The following SLCO1B3 variants were observed in gnomAD, a reference collection of about 807,000 sequenced individuals.
The protein encoded by SLCO1B3 is liver-specific organic anion transporter 2.
Under a neutral mutation model 71.8 loss-of-function variants are expected in SLCO1B3, and 72 were observed. The observed-to-expected ratio is 1.00, with a 90% CI of 0.83 to 1.22. The LOEUF (loss-of-function observed/expected upper bound fraction) is 1.22. Ranked by LOEUF, SLCO1B3 falls within the 50% of genes most tolerant of loss-of-function variation. The probability of loss-of-function intolerance (pLI) is 0.00; values close to 1 mark genes in which losing one functional copy is unlikely to be tolerated. For synonymous variants in SLCO1B3, 298 were observed against 278.4 expected (o/e 1.07, Z -0.70); for missense variants, 911 against 819.7 (o/e 1.11, Z -1.36).
rs188100388 is a variant in SLCO1B3, at chr12:20,916,390, A to G, written c.*143A>G. The G allele has an allele frequency of 3.4e-5, 24 of 709,784 alleles. No homozygotes were observed. In the East Asian group the frequency reaches 5.9e-4, roughly 18 times the overall value. The allele number at this position is 709,784 out of a possible 1,614,324, so 44.0% of individuals were successfully genotyped here. A position where few individuals can be genotyped will look rare whatever the true frequency, so the allele number is the denominator to read the frequency against. On this transcript the variant is annotated 3_prime_UTR_variant, in exon 16 of 16. Coordinates refer to ENST00000381545, the MANE Select transcript of SLCO1B3 (RefSeq NM_019844.4). Reference sequence around the variant, plus strand: ...ATAAAAAATGGGAGTACCCATGGTTAGGATATAGCTATGCCTTTATGGTTA... The same window carrying G: ...ATAAAAAATGGGAGTACCCATGGTTGGGATATAGCTATGCCTTTATGGTTA...
chr12:20,876,142 G>A (rs1865573851), intron 9 of SLCO1B3, among the ~76,000 whole-genome samples: 1 of 151,558 alleles, frequency 6.6e-6, no homozygotes, highest in Admixed American at 6.6e-5. Flanking sequence ...AAAATGAAGT[G>A]AAAAGCAACA....
chr12:20,850,302 CAG>C (rs1864999796), intron 3 of SLCO1B3, among the ~76,000 whole-genome samples: 1 of 125,834 alleles, frequency 7.9e-6, no homozygotes, highest in Non-Finnish European at 1.7e-5. Flanking sequence ...ATTTTTGAGA[CAG>C]AGTCTCGCTC....
chr12:20,823,858 A>C (rs922673468), intron 3 of SLCO1B3, among the ~76,000 whole-genome samples: 1 of 152,178 alleles, frequency 6.6e-6, no homozygotes, highest in Non-Finnish European at 1.5e-5. Context: ...GTAAAGGATA[A>C]GATATGGGGC....
intron 3 of SLCO1B3, among the ~76,000 whole-genome samples, chr12:20,849,571 G>A (rs1181750515): frequency 1.3e-5 from 2 of 151,864 alleles, no homozygotes; most frequent in African/African-American, 2.4e-5. Flanking sequence ...ACAAGAAAAA[G>A]AAACAAAAGG....
chr12:20,825,662 G>C (rs996620298), intron 3 of SLCO1B3, among the ~76,000 whole-genome samples: 1 of 151,840 alleles, frequency 6.6e-6, no homozygotes, highest in Non-Finnish European at 1.5e-5. Context: ...AGCCAGATGT[G>C]GTGGTGTGCG....
intron 12 of SLCO1B3, among the ~76,000 whole-genome samples, chr12:20,881,674 G>A (rs1234830810): frequency 6.6e-6 from 1 of 151,560 alleles, no homozygotes; most frequent in East Asian, 1.9e-4. Flanking sequence ...TAACTCAAAG[G>A]CTTTTTTTTT....
At chr12:20,843,712 C>T (rs11045554) in intron 3 of SLCO1B3, among the ~76,000 whole-genome samples, 4,602 of 151,262 alleles carry the variant, frequency 0.03, 125 homozygotes, top group Middle Eastern at 0.068. Flanking sequence ...ACCCTGGAGG[C>T]GGAGCTTGCA....
At chr12:20,891,341 A>G (rs911399013) in intron 13 of SLCO1B3, among the ~76,000 whole-genome samples, 1 of 151,960 alleles carries the variant, frequency 6.6e-6, no homozygotes, top group African/African-American at 2.4e-5. Context: ...GAGACTGATA[A>G]TAAGACCCTA....
intron 15 of SLCO1B3, among the ~76,000 whole-genome samples, chr12:20,902,550 T>C (rs1866150075): frequency 6.6e-6 from 1 of 152,138 alleles, no homozygotes; most frequent in African/African-American, 2.4e-5. Context: ...TGGAGCCTAC[T>C]TGTGGGTGCA....
chr12:20,838,009 G>T (rs1277884208), intron 3 of SLCO1B3, among the ~76,000 whole-genome samples: 2 of 151,640 alleles, frequency 1.3e-5, no homozygotes, highest in African/African-American at 4.8e-5. Flanking sequence ...ATGCTCTGTT[G>T]TTGGGTGCAT....
At chr12:20,886,964 T>C (rs780157652) in intron 13 of SLCO1B3, among the ~76,000 whole-genome samples, 80 of 152,060 alleles carry the variant, frequency 5.3e-4, no homozygotes, top group Non-Finnish European at 1.1e-3. Flanking sequence ...AGTAAGTACA[T>C]GCATTTTTTA....
chr12:20,822,855 A>G (rs769089122), intron 3 of SLCO1B3, among the ~76,000 whole-genome samples: 4 of 152,158 alleles, frequency 2.6e-5, no homozygotes, highest in Non-Finnish European at 5.9e-5. Context: ...TTCTTATGTC[A>G]TAGTGAATTG....
rs114579598 is a variant in SLCO1B3, at chr12:20,838,097, T to C, written c.85-16931T>C. Among the ~76,000 whole-genome samples, 991 of 152,120 alleles carry C rather than the reference T, an allele frequency of 6.5e-3. 6 individuals carry two copies. Among genetic ancestry groups the C allele is most frequent in the African/African-American group, 0.022 (905 of 41,554 alleles). ...GTAATGCCCCCTCCCACCTTTTTTT[T>C]TAAATCAATTTCCTTTTGCTTTTCT... is the stretch of plus-strand genomic sequence containing the variant. On this transcript the variant is annotated intron_variant, in intron 3 of 15. Transcript: ENST00000381545.
At chr12:20,901,170 T>C (rs777758662) in intron 14 of SLCO1B3, among the ~76,000 whole-genome samples, 180 bp from the exon 15 acceptor site, 4 of 152,200 alleles carry the variant, frequency 2.6e-5, no homozygotes, top group Non-Finnish European at 5.9e-5. Flanking sequence ...CATTACCATA[T>C]GATTTAAGCC....
chr12:20,912,253 A>C (rs542107706), intron 15 of SLCO1B3, among the ~76,000 whole-genome samples: 11 of 151,546 alleles, frequency 7.3e-5, no homozygotes, highest in Non-Finnish European at 1.5e-4. Flanking sequence ...TTAAGGACAG[A>C]TATTACATGA....
chr12:20,886,069 G>A (rs1007486396), intron 13 of SLCO1B3, among the ~76,000 whole-genome samples: 2 of 152,086 alleles, frequency 1.3e-5, no homozygotes, highest in Non-Finnish European at 2.9e-5. Context: ...CTAAGGCAAA[G>A]CCAATATGAT....
intron 15 of SLCO1B3, among the ~76,000 whole-genome samples, chr12:20,911,209 G>A (rs1260250953): frequency 1.3e-5 from 2 of 152,116 alleles, no homozygotes; most frequent in Non-Finnish European, 2.9e-5. Context: ...ATGTGATCAT[G>A]TGATTTTTTT....
intron 13 of SLCO1B3, among the ~76,000 whole-genome samples, chr12:20,889,328 G>T (rs1406522816): frequency 6.6e-6 from 1 of 151,726 alleles, no homozygotes; most frequent in Non-Finnish European, 1.5e-5. Context: ...TCATCTTTTT[G>T]TTGTTGTCAT....
At chr12:20,886,571 A>C (rs1414846845) in intron 13 of SLCO1B3, among the ~76,000 whole-genome samples, 1 of 152,088 alleles carries the variant, frequency 6.6e-6, no homozygotes, top group Admixed American at 6.6e-5. Context: ...TGAATAAAGA[A>C]ACTATGTCAA....
Sources: allele counts gnomAD v4.1 joint callset (sites outside exome capture counted in the v4.1 genomes callset), GRCh38; gene constraint gnomAD v4.1.1; transcripts MANE v1.5; gene names NCBI Gene and HGNC (gene_info 2026-07-23, HGNC 2026-07-21).